Variants in SEMA6D observed in about 807,000 individuals in gnomAD.
SEMA6D encodes semaphorin 6D, also known as semaphorin-6D.
A neutral mutation model predicts 106.6 loss-of-function variants in SEMA6D; 35 were observed. The observed-to-expected ratio is 0.33, with a 90% CI of 0.25 to 0.44. SEMA6D has a LOEUF of 0.44. SEMA6D is among the 20% of genes least tolerant of loss of function. SEMA6D has a pLI of 1.00. For synonymous variants in SEMA6D, 499 were observed against 487.7 expected (o/e 1.02, Z -0.31); for missense variants, 1,185 against 1,345.9 (o/e 0.88, Z 1.87).
chr15:47,607,961 C>T (rs898573174), intron 4 of SEMA6D, among the ~76,000 whole-genome samples: 1 of 152,190 alleles, frequency 6.6e-6, no homozygotes, highest in Non-Finnish European at 1.5e-5. Context: ...TATCTTATCC[C>T]TTTCAAAGCT....
rs78685594 is a variant in SEMA6D, at chr15:47,327,570, G to A, written c.-238-84823G>A. On this transcript the variant is annotated intron_variant, in intron 1 of 19. Coordinates refer to the SEMA6D transcript ENST00000558014. ...TTACCATACAAGCCTTCTTCAGATA[G>A]TGCTTTTTGTCTTTTGACTTGGGAC... Among the ~76,000 whole-genome samples, 983 of 152,326 alleles carry A rather than the reference G, an allele frequency of 6.5e-3. 29 individuals are homozygous for A. The East Asian group carries it at 0.069, about 11-fold the overall frequency.
intron 1 of SEMA6D, among the ~76,000 whole-genome samples, chr15:47,378,406 G>T (rs1402253625): frequency 6.6e-6 from 1 of 152,180 alleles, no homozygotes. Context: ...TGAGGTAGCA[G>T]AATTGCTTGA....
At chr15:47,251,689 C>T (rs923892992) in intron 1 of SEMA6D, among the ~76,000 whole-genome samples, 1 of 151,992 alleles carries the variant, frequency 6.6e-6, no homozygotes, top group Non-Finnish European at 1.5e-5. Flanking sequence ...ACAACTGTAC[C>T]TATAAAATAT....
intron 1 of SEMA6D, among the ~76,000 whole-genome samples, chr15:47,365,888 GAGGAGAGAGAGAGAGA>G (rs1567029390): frequency 5.7e-5 from 4 of 70,124 alleles, no homozygotes; most frequent in African/African-American, 1.9e-4. Flanking sequence ...GAGAGAGAGA[GAGGAGAGAGAGAGAGA>G]GAGAGAGAGA....
At chr15:47,293,090 T>C (rs1413102610) in intron 1 of SEMA6D, among the ~76,000 whole-genome samples, 3 of 152,096 alleles carry the variant, frequency 2.0e-5, no homozygotes, top group African/African-American at 7.2e-5. Context: ...AATTTGGGAC[T>C]CTGGTGGTTG....
intron 1 of SEMA6D, among the ~76,000 whole-genome samples, chr15:47,732,306 T>C (rs2080176575): frequency 6.6e-6 from 1 of 152,246 alleles, no homozygotes; most frequent in African/African-American, 2.4e-5. Flanking sequence ...CTCAGGTGTT[T>C]TCCATGTTTC....
chr15:47,746,864 A>AAAAG (rs2081158755), intron 1 of SEMA6D, among the ~76,000 whole-genome samples: 1 of 152,056 alleles, frequency 6.6e-6, no homozygotes, highest in Non-Finnish European at 1.5e-5. Context: ...AGATAACCAA[A>AAAAG]AAAGAAGGCT....
At chr15:47,293,663 T>C (rs1436793503) in intron 1 of SEMA6D, among the ~76,000 whole-genome samples, 1 of 152,202 alleles carries the variant, frequency 6.6e-6, no homozygotes, top group Non-Finnish European at 1.5e-5. Flanking sequence ...CTGATACTTG[T>C]TTAGTCTATG....
chr15:47,508,179 C>T (rs1052709185), intron 3 of SEMA6D, among the ~76,000 whole-genome samples: 4 of 152,106 alleles, frequency 2.6e-5, no homozygotes, highest in African/African-American at 7.2e-5. Context: ...CCTCAGGCTA[C>T]GGCAAGCTTT....
chr15:47,592,896 G>A (rs1449871087), intron 3 of SEMA6D, among the ~76,000 whole-genome samples: 2 of 152,120 alleles, frequency 1.3e-5, no homozygotes, highest in Admixed American at 1.3e-4. Flanking sequence ...TATCAGATTA[G>A]TGATAAAGTG....
chr15:47,240,400 A>G (rs1213050214), intron 1 of SEMA6D, among the ~76,000 whole-genome samples: 2 of 152,194 alleles, frequency 1.3e-5, no homozygotes, highest in African/African-American at 2.4e-5. Context: ...TGGAGCTATG[A>G]TGAAGATTGA....
intron 4 of SEMA6D, among the ~76,000 whole-genome samples, chr15:47,659,646 A>G (rs1460392365): frequency 2.6e-5 from 4 of 152,136 alleles, no homozygotes; most frequent in Admixed American, 2.6e-4. Flanking sequence ...TTCTAAAAGA[A>G]CAAATGACAG....
At chr15:47,424,295 G>T (rs2041262532) in intron 2 of SEMA6D, among the ~76,000 whole-genome samples, 1 of 151,636 alleles carries the variant, frequency 6.6e-6, no homozygotes, top group Non-Finnish European at 1.5e-5. Flanking sequence ...TTAAAGAGAA[G>T]GATTGAGAAT....
intron 3 of SEMA6D, among the ~76,000 whole-genome samples, chr15:47,505,312 A>G (rs1481743034): frequency 6.6e-6 from 1 of 152,188 alleles, no homozygotes; most frequent in Non-Finnish European, 1.5e-5. Flanking sequence ...ATTGTTAAGC[A>G]GGACTGAGAA....
chr15:47,223,903 A>G (rs2031427279), intron 1 of SEMA6D, among the ~76,000 whole-genome samples: 1 of 152,038 alleles, frequency 6.6e-6, no homozygotes, highest in African/African-American at 2.4e-5. Flanking sequence ...TAATTTGTGA[A>G]TCTTAGCAAT....
intron 1 of SEMA6D, among the ~76,000 whole-genome samples, chr15:47,745,288 C>T (rs1199736929): frequency 3.2e-4 from 48 of 152,240 alleles, no homozygotes; most frequent in Admixed American, 3.1e-3. Flanking sequence ...CTTCCGTCCT[C>T]AGCAACTCTA....
chr15:47,368,300 A>T (rs1488099405), intron 1 of SEMA6D, among the ~76,000 whole-genome samples: 1 of 152,206 alleles, frequency 6.6e-6, no homozygotes, highest in Non-Finnish European at 1.5e-5. Flanking sequence ...TCTCATAGCC[A>T]TAAAAGCATG....
At chr15:47,726,528 T>G (rs369881683) in intron 1 of SEMA6D, among the ~76,000 whole-genome samples, 18 of 152,300 alleles carry the variant, frequency 1.2e-4, no homozygotes, top group African/African-American at 4.3e-4. Context: ...GCAGTGTGAG[T>G]AAGAACATGA....
chr15:47,230,166 C>T (rs1365450315), intron 1 of SEMA6D, among the ~76,000 whole-genome samples: 1 of 152,040 alleles, frequency 6.6e-6, no homozygotes, highest in Non-Finnish European at 1.5e-5. Context: ...AAACTTTTAT[C>T]TTAACCTATA....
Sources: allele counts gnomAD v4.1 joint callset (sites outside exome capture counted in the v4.1 genomes callset), GRCh38; gene constraint gnomAD v4.1.1; transcripts MANE v1.5; gene names NCBI Gene and HGNC (gene_info 2026-07-23, HGNC 2026-07-21).